PVT1: variants seen among roughly 807,000 people sequenced by gnomAD.
PVT1 encodes the protein CXCR4/PVT1 fusion.
intron 2 of PVT1, among the ~76,000 whole-genome samples, chr8:127,880,095 A>T (rs1815448142): frequency 6.6e-6 from 1 of 152,220 alleles, no homozygotes; most frequent in Admixed American, 6.5e-5. Flanking sequence ...CGCCAGGGCA[A>T]CCTGGTTATC....
chr8:128,029,095 A>T (rs1374032285), intron 4 of PVT1, among the ~76,000 whole-genome samples: 1 of 151,904 alleles, frequency 6.6e-6, no homozygotes, highest in East Asian at 1.9e-4. Flanking sequence ...CTCCCACCTT[A>T]GCCTCCCAAG....
At chr8:128,065,146 C>T (rs1000540543) in intron 4 of PVT1, among the ~76,000 whole-genome samples, 4 of 152,126 alleles carry the variant, frequency 2.6e-5, no homozygotes, top group African/African-American at 4.8e-5. Flanking sequence ...CATGTGCATG[C>T]GTGTGCAAGG....
chr8:128,075,287 T>A (rs1814071224), intron 5 of PVT1, among the ~76,000 whole-genome samples: 1 of 152,234 alleles, frequency 6.6e-6, no homozygotes, highest in African/African-American at 2.4e-5. Flanking sequence ...TATCTCATCA[T>A]GCTTATAAGC....
chr8:127,960,291 C>A (rs1279654639), intron 3 of PVT1, among the ~76,000 whole-genome samples: 1 of 152,116 alleles, frequency 6.6e-6, no homozygotes, highest in Non-Finnish European at 1.5e-5. Context: ...GGTCACACAG[C>A]TTGAGGGTGG....
chr8:128,080,301 A>AG (rs1487558227), intron 5 of PVT1, among the ~76,000 whole-genome samples: 5 of 152,256 alleles, frequency 3.3e-5, no homozygotes, highest in African/African-American at 1.2e-4. Flanking sequence ...TTTGCTTTAT[A>AG]GAAAACTGCC....
intron 2 of PVT1, among the ~76,000 whole-genome samples, chr8:127,821,093 G>T (rs187078811): frequency 3.9e-5 from 6 of 152,158 alleles, no homozygotes; most frequent in African/African-American, 7.2e-5. Flanking sequence ...CATGAAAAAA[G>T]CTGTGCGGAT....
intron 3 of PVT1, among the ~76,000 whole-genome samples, chr8:127,980,791 C>CTTTTTTTTTTTTTTTTTTTTT (rs11361552): frequency 1.2e-4 from 14 of 120,416 alleles, no homozygotes; most frequent in Non-Finnish European, 1.8e-4. Flanking sequence ...ACTACAGCTT[C>CTTTTTTTTTTTTTTTTTTTTT]TTTTTTTTTT....
At chr8:128,025,457 C>T (rs996090427) in intron 4 of PVT1, among the ~76,000 whole-genome samples, 1 of 152,146 alleles carries the variant, frequency 6.6e-6, no homozygotes, top group Non-Finnish European at 1.5e-5. Flanking sequence ...GAGCCCTGCA[C>T]CAGGCACCTT....
At chr8:127,986,068 A>G (rs1484948588) in intron 3 of PVT1, among the ~76,000 whole-genome samples, 1 of 152,112 alleles carries the variant, frequency 6.6e-6, no homozygotes, top group Non-Finnish European at 1.5e-5. Flanking sequence ...TCCAACAGAG[A>G]CCTGCCTTAC....
At chr8:128,064,197 TAAC>T (rs1176044149) in intron 4 of PVT1, among the ~76,000 whole-genome samples, 1 of 152,178 alleles carries the variant, frequency 6.6e-6, no homozygotes. Flanking sequence ...CTAGAAATAT[TAAC>T]TCCTCCTGTA....
chr8:127,968,344 G>A (rs1415265160), intron 3 of PVT1, among the ~76,000 whole-genome samples: 1 of 147,030 alleles, frequency 6.8e-6, no homozygotes, highest in African/African-American at 2.5e-5. Flanking sequence ...CTGGATGCCT[G>A]TTGAGTGTAG....
At chr8:127,897,891 GAAA>G (rs1815705092) in intron 3 of PVT1, among the ~76,000 whole-genome samples, 3 of 103,208 alleles carry the variant, frequency 2.9e-5, no homozygotes, top group Non-Finnish European at 5.3e-5. Context: ...AAGAAAGAAA[GAAA>G]GAAAGAAAAA....
At chr8:128,030,544 C>A (rs959520828) in intron 4 of PVT1, among the ~76,000 whole-genome samples, 2 of 152,094 alleles carry the variant, frequency 1.3e-5, no homozygotes, top group Non-Finnish European at 2.9e-5. Flanking sequence ...AACATAAGTT[C>A]CCCAAAATTA....
At chr8:128,003,286 C>A (rs545047133) in intron 4 of PVT1, among the ~76,000 whole-genome samples, 2 of 139,624 alleles carry the variant, frequency 1.4e-5, no homozygotes, top group East Asian at 4.6e-4. Context: ...TTCCTCTCTT[C>A]TCCTCTCCTC....
chr8:127,799,555 AAG>A (rs1320299594), intron 2 of PVT1, among the ~76,000 whole-genome samples: 1 of 152,148 alleles, frequency 6.6e-6, no homozygotes, highest in East Asian at 1.9e-4. Context: ...GCTGATGAAA[AAG>A]AAGGAAAACA....
intron 2 of PVT1, among the ~76,000 whole-genome samples, chr8:127,877,137 C>G (rs911772135): frequency 6.6e-6 from 1 of 152,276 alleles, no homozygotes; most frequent in South Asian, 2.1e-4. Flanking sequence ...AACTCCCCAG[C>G]GCCTGAGACA....
intron 4 of PVT1, among the ~76,000 whole-genome samples, chr8:128,041,090 G>A (rs1262181160): frequency 6.7e-6 from 1 of 150,366 alleles, no homozygotes; most frequent in Non-Finnish European, 1.5e-5. Flanking sequence ...GCATATGTTT[G>A]TGTGTGCTTG....
intron 2 of PVT1, among the ~76,000 whole-genome samples, chr8:127,848,766 C>A (rs1035124958): frequency 2.0e-5 from 3 of 152,214 alleles, no homozygotes; most frequent in Admixed American, 1.3e-4. Flanking sequence ...GTGACCACCA[C>A]CCCTAGTGCT....
chr8:127,971,361 G>A (rs1816762752), intron 3 of PVT1, among the ~76,000 whole-genome samples: 1 of 152,216 alleles, frequency 6.6e-6, no homozygotes, highest in Non-Finnish European at 1.5e-5. Flanking sequence ...GCCTCTGCAG[G>A]AGACGGTCCA....
Sources: gnomAD v4.1 joint callset for allele counts (sites outside exome capture counted in the v4.1 genomes callset) on GRCh38, gnomAD v4.1.1 for gene constraint, MANE v1.5 for transcripts, NCBI Gene and HGNC (gene_info 2026-07-23, HGNC 2026-07-21) for gene names.